Variants in ZNF655 observed in about 807,000 individuals in gnomAD.
ZNF655 encodes the protein Vav-interacting Kruppel-like protein 1.
ZNF655 carries 3 observed loss-of-function variants against 6.6 expected under a neutral mutation model. That is an observed-to-expected ratio of 0.46 (90% CI 0.21 to 1.18). The LOEUF is 1.18. Among genes scored for constraint, ZNF655 ranks in the 50% most tolerant of loss-of-function variants. The probability of loss-of-function intolerance (pLI) is 0.24; values close to 1 mark genes in which losing one functional copy is unlikely to be tolerated. For missense variants in ZNF655, 526 were observed against 572.3 expected (o/e 0.92, Z 0.83); for synonymous variants, 178 against 195.0 (o/e 0.91, Z 0.73).
chr7:99,562,813 T>A (rs965591526), intron 2 of ZNF655, among the ~76,000 whole-genome samples: 1 of 152,208 alleles, frequency 6.6e-6, no homozygotes, highest in Non-Finnish European at 1.5e-5. Context: ...TCCATTTTTG[T>A]AGGAGAGACC....
chr7:99,563,475 C>T lies in ZNF655; in HGVS notation c.136+2780C>T, dbSNP rs183946280. Among the ~76,000 whole-genome samples the T allele has an allele frequency of 2.9e-3, 440 of 152,136 alleles. 1 individual carries two copies. Among genetic ancestry groups the T allele is most frequent in the African/African-American group, 0.01 (424 of 41,548 alleles). ...CTGGGATTACAGGCATGGGCCACCA[C>T]GCCCGCCTAATTTTGTATTTTTAGT... is the stretch of plus-strand genomic sequence containing the variant. On this transcript the variant is annotated intron_variant, in intron 2 of 2. Coordinates refer to ENST00000252713, the MANE Select transcript of ZNF655 (RefSeq NM_138494.3).
At chr7:99,560,859 C>CCTG in intron 2 of ZNF655, 164 bp downstream of exon 2, 1 of 705,132 alleles carries the variant, frequency 1.4e-6, no homozygotes, top group South Asian at 2.7e-5. Context: ...CAGTCCTAGT[C>CCTG]TGAGCCCCTT....
At chr7:99,568,494 C>T (rs1803805602) in intron 2 of ZNF655, among the ~76,000 whole-genome samples, 1 of 152,094 alleles carries the variant, frequency 6.6e-6, no homozygotes, top group Non-Finnish European at 1.5e-5. Context: ...TTGTGATCTG[C>T]CTGCCTTGGC....
At position 99,559,373 on chromosome 7, in the gene ZNF655, C is replaced by T. The variant is rs1398361474; in HGVS notation, c.-28+586C>T. On this transcript the variant is annotated intron_variant, in intron 1 of 2. Transcript: ENST00000252713. ...TGTTACCAAGACATTTCCTAGGGGGCCTGCTGTTTTATTTATTTAAATGAG... is the reference window on the plus strand; with the variant it reads ...TGTTACCAAGACATTTCCTAGGGGGTCTGCTGTTTTATTTATTTAAATGAG... Among the ~76,000 whole-genome samples the T allele has an allele frequency of 4.0e-5, 6 of 151,824 alleles. 1 individual carries two copies. The highest frequency in any genetic ancestry group is 9.7e-5 in the African/African-American group (4 of 41,360).
chr7:99,572,926 C>T lies in ZNF655; in HGVS notation c.818C>T (p.Ser273Phe). Residue 273 changes from serine (S) to phenylalanine (F), a missense_variant, in exon 3 of 3, where the codon TCT (serine) becomes TTT (phenylalanine). Coordinates refer to ENST00000252713, the MANE Select transcript of ZNF655 (RefSeq NM_138494.3). ...TREKPYKCEA[S>F]DKSCEASDKS... ...GAAAAACCTTACAAATGTGAAGCATCTGATAAATCCTGTGAAGCGTCTGAT... is the reference window on the plus strand; with the variant it reads ...GAAAAACCTTACAAATGTGAAGCATTTGATAAATCCTGTGAAGCGTCTGAT... The T allele has an allele frequency of 6.2e-7, 1 of 1,614,092 alleles. No homozygotes were observed.
At chr7:99,562,374 G>A (rs1803260125) in intron 2 of ZNF655, 1 of 1,613,976 alleles carries the variant, frequency 6.2e-7, no homozygotes. Context: ...TCAGGAGTTT[G>A]TGACATTCGA....
intron 2 of ZNF655, chr7:99,571,886 CTG>C (rs1804100336): frequency 2.5e-6 from 2 of 796,454 alleles, no homozygotes; most frequent in Non-Finnish European, 4.0e-6. Context: ...ATGAAGAGCT[CTG>C]TGTGTGTCCT....
Position 99,573,489 on chromosome 7 carries a change from CAG to C in ZNF655, c.1383_1384del (p.Lys462SerfsTer3), listed in dbSNP as rs745398914. On this transcript the variant is annotated frameshift_variant, in exon 3 of 3. Coordinates refer to ENST00000252713, the MANE Select transcript of ZNF655 (RefSeq NM_138494.3). LOFTEE classifies it high-confidence loss of function. Reference protein sequence around the residue: ...LILQQEVLTRQKAFDCDVWEK... With the variant: ...LILQQEVLTRXKAFDCDVWEK... ...CCTGCAACAAGAAGTCCTCACCAGA[CAG>C]AAAGCCTTTGATTGTGATGTATGGG... 6.2e-7 allele frequency: 1 copy of C among 1,613,216 alleles called. No individual in the cohort carries two copies. Among genetic ancestry groups the C allele is most frequent in the Non-Finnish European group, 8.5e-7 (1 of 1,180,014 alleles).
At chr7:99,567,688 C>T (rs118040474) in intron 2 of ZNF655, among the ~76,000 whole-genome samples, 2 of 152,328 alleles carry the variant, frequency 1.3e-5, no homozygotes, top group East Asian at 3.9e-4. Context: ...TTTAATCTGA[C>T]ACTCATTTTC....
At chr7:99,570,696 G>A (rs1285732555) in intron 2 of ZNF655, 1 of 152,176 alleles carries the variant, frequency 6.6e-6, no homozygotes, top group Non-Finnish European at 1.5e-5. Context: ...ACCGTTATAT[G>A]TGACATGTCA....
Position 99,572,782 on chromosome 7 carries a change from C to G in ZNF655, c.674C>G (p.Ser225Ter). The G allele has an allele frequency of 6.2e-7, 1 of 1,613,348 alleles. No individual in the cohort carries two copies. The highest frequency in any genetic ancestry group is 8.5e-7 in the Non-Finnish European group (1 of 1,179,858). The change falls in exon 3 of 3, where the codon TCA (serine) becomes TGA (stop). Residue 225 changes from serine to a stop codon, truncating the protein, a stop_gained. Coordinates refer to ENST00000252713, the MANE Select transcript of ZNF655 (RefSeq NM_138494.3). LOFTEE classifies it low-confidence loss of function (END_TRUNC). ...DVCGKIFHQS[S>*]ALTRHQRIHT... ...TGTGGGAAAATTTTCCATCAGAGCT[C>G]AGCCCTTACTAGACATCAGAGAATC...
chr7:99,573,531 CAGAG>C lies in ZNF655; in HGVS notation c.1426_1429del (p.Arg476HisfsTer3), dbSNP rs1279711534. On this transcript the variant is annotated frameshift_variant, in exon 3 of 3. Transcript: ENST00000252713. LOFTEE classifies it high-confidence loss of function. ...TGATGTATGGGAAAAGAACTCCAGTCAGAGAGCACATCTAGTTCAACATCAGAGC... is the reference window on the plus strand; with the variant it reads ...TGATGTATGGGAAAAGAACTCCAGTCAGCACATCTAGTTCAACATCAGAGC... The C allele has an allele frequency of 6.2e-7, 1 of 1,609,538 alleles. No individual in the cohort carries two copies. Among genetic ancestry groups the C allele is most frequent in the Non-Finnish European group, 8.5e-7 (1 of 1,179,968 alleles).
In ZNF655 at chr7:99,560,126, C is replaced by G. The variant is rs1470690166; in HGVS notation, c.-27-407C>G. Among the ~76,000 whole-genome samples, 4 of 149,942 alleles carry G rather than the reference C, an allele frequency of 2.7e-5. No homozygotes were observed. In the South Asian group the frequency reaches 8.5e-4, roughly 32 times the overall value. Reference sequence around the variant, plus strand: ...TTGGGACGGAGTCTCACTGTGTTGCCCAGGTTGGAGTGCAGTGGTGCAATC... The same window carrying G: ...TTGGGACGGAGTCTCACTGTGTTGCGCAGGTTGGAGTGCAGTGGTGCAATC... On this transcript the variant is annotated intron_variant, in intron 1 of 2. Transcript: ENST00000252713.
At chr7:99,571,108 C>T in intron 2 of ZNF655, 2 of 658,526 alleles carry the variant, frequency 3.0e-6, no homozygotes. Flanking sequence ...AGAGGAGGCA[C>T]TTCATAAATG....
In ZNF655 at chr7:99,572,256, A is replaced by G. The variant is rs1373460566; in HGVS notation, c.148A>G (p.Arg50Gly). The G allele has an allele frequency of 2.5e-6, 4 of 1,602,984 alleles. No homozygotes were observed. The highest frequency in any genetic ancestry group is 3.4e-6 in the Non-Finnish European group (4 of 1,175,748). ...EQGLTGDGET[R>G]EENKLLIPKQ... ...ATATATTGTATCAGATGGAGAGACC[A>G]GAGAAGAGAACAAGCTGTTGATTCC... Residue 50 changes from arginine (R) to glycine (G), a missense_variant, in exon 3 of 3, where the codon AGA becomes GGA. Coordinates refer to ENST00000252713, the MANE Select transcript of ZNF655 (RefSeq NM_138494.3).
intron 2 of ZNF655, among the ~76,000 whole-genome samples, chr7:99,571,964 G>A (rs1257391542): frequency 6.6e-6 from 1 of 152,072 alleles, no homozygotes; most frequent in Non-Finnish European, 1.5e-5. Flanking sequence ...TAGTATCCGT[G>A]CACATGTCGT....
chr7:99,561,249 C>T (rs114934588), intron 2 of ZNF655, among the ~76,000 whole-genome samples: 1,995 of 152,266 alleles, frequency 0.013, 38 homozygotes, highest in African/African-American at 0.045. Context: ...TTTGCTGTAT[C>T]GTATAGGTAG....
chr7:99,560,768 G>C (rs1803080892), intron 2 of ZNF655, 73 bp downstream of exon 2: 1 of 1,563,402 alleles, frequency 6.4e-7, no homozygotes, highest in African/African-American at 1.4e-5. Flanking sequence ...TCCTGGGCCT[G>C]GTTTGAGAGA....
At chr7:99,562,033 T>C (rs1290884261) in intron 2 of ZNF655, 5 of 1,389,122 alleles carry the variant, frequency 3.6e-6, no homozygotes, top group Non-Finnish European at 4.8e-6. Flanking sequence ...GAGTGTGGCC[T>C]CTCTCTCATC....
Sources: allele counts gnomAD v4.1 joint callset (sites outside exome capture counted in the v4.1 genomes callset), GRCh38; gene constraint gnomAD v4.1.1; transcripts MANE v1.5; gene names NCBI Gene and HGNC (gene_info 2026-07-23, HGNC 2026-07-21).